APBA1: variants seen among roughly 807,000 people sequenced by gnomAD.
APBA1 encodes the protein amyloid-beta A4 precursor protein-binding family A member 1.
A neutral mutation model predicts 86.6 loss-of-function variants in APBA1; 55 were observed. The ratio of observed to expected loss-of-function variants is 0.64; its 90% CI spans 0.51 to 0.80. The LOEUF (loss-of-function observed/expected upper bound fraction) is 0.80, where lower values mean the gene tolerates loss of function less well. APBA1 is among the 30% of genes least tolerant of loss of function. APBA1 has a pLI of 0.00. For missense variants in APBA1, 1,090 were observed against 1,183.0 expected (o/e 0.92, Z 1.15); for synonymous variants, 511 against 493.9 (o/e 1.03, Z -0.46).
intron 1 of APBA1, among the ~76,000 whole-genome samples, chr9:69,543,042 GCTGCAAACTCCATTTA>G (rs1836639984): frequency 6.6e-6 from 1 of 152,192 alleles, no homozygotes; most frequent in African/African-American, 2.4e-5. Context: ...AATCAAAATC[GCTGCAAACTCCATTTA>G]CTGTGCCATC....
chr9:69,618,611 C>T (rs576854819), intron 1 of APBA1, among the ~76,000 whole-genome samples: 2 of 152,186 alleles, frequency 1.3e-5, no homozygotes, highest in South Asian at 2.1e-4. Flanking sequence ...AAAAATCAGA[C>T]GGTTATGACA....
At chr9:69,527,243 T>C (rs1299946140) in intron 1 of APBA1, among the ~76,000 whole-genome samples, 2 of 151,938 alleles carry the variant, frequency 1.3e-5, no homozygotes, top group Admixed American at 1.3e-4. Flanking sequence ...TTTTAAAAAA[T>C]TGTGAAAAAA....
In APBA1 at chr9:69,430,102, G is replaced by A. The variant is rs1299381012; in HGVS notation, c.*1225C>T. On this transcript the variant is annotated 3_prime_UTR_variant, in exon 13 of 13. Coordinates refer to ENST00000265381, the MANE Select transcript of APBA1 (RefSeq NM_001163.4). The stretch of plus-strand genomic sequence containing the variant: ...TATGGACCACATCTGGGGATTCTGA[G>A]GCATAACTTGAGGTTGCTATTGTCT... 6.6e-6 allele frequency: 1 copy of A among 152,206 alleles called. No individual in the cohort carries two copies. The highest frequency in any genetic ancestry group is 2.1e-4 in the South Asian group (1 of 4,830). The allele number at this position is 152,206 out of a possible 1,614,324, so 9.4% of individuals were successfully genotyped here. A position where few individuals can be genotyped will look rare whatever the true frequency, so the allele number is the denominator to read the frequency against.
At chr9:69,544,369 T>G (rs1836664246) in intron 1 of APBA1, among the ~76,000 whole-genome samples, 1 of 152,228 alleles carries the variant, frequency 6.6e-6, no homozygotes, top group Non-Finnish European at 1.5e-5. Flanking sequence ...TAATACAAAG[T>G]CAATTTAAAT....
At chr9:69,502,778 C>CT (rs983967814) in intron 2 of APBA1, among the ~76,000 whole-genome samples, 3 of 152,100 alleles carry the variant, frequency 2.0e-5, no homozygotes, top group African/African-American at 7.2e-5. Flanking sequence ...ACGCATCACA[C>CT]TTCACCTCAG....
intron 1 of APBA1, among the ~76,000 whole-genome samples, chr9:69,583,853 G>A (rs1194377265): frequency 6.6e-6 from 1 of 152,186 alleles, no homozygotes; most frequent in Non-Finnish European, 1.5e-5. Flanking sequence ...TAGCCTCCCA[G>A]GCTTCTATCT....
chr9:69,599,850 C>T (rs1226298780), intron 1 of APBA1, among the ~76,000 whole-genome samples: 3 of 152,168 alleles, frequency 2.0e-5, no homozygotes, highest in African/African-American at 7.2e-5. Flanking sequence ...CCAGCACATT[C>T]GCTCGAAGGG....
intron 1 of APBA1, among the ~76,000 whole-genome samples, 164 bp from the exon 2 acceptor site, chr9:69,517,443 C>T (rs1045593105): frequency 2.6e-4 from 39 of 152,164 alleles, no homozygotes; most frequent in Admixed American, 2.4e-3. Flanking sequence ...ATACATAGCA[C>T]GCATCATAAT....
At chr9:69,552,752 T>C (rs981133446) in intron 1 of APBA1, among the ~76,000 whole-genome samples, 8 of 152,338 alleles carry the variant, frequency 5.3e-5, no homozygotes, top group East Asian at 1.9e-4. Context: ...ACAGGTTTCA[T>C]TGGGTTTTAA....
At chr9:69,489,181 A>G (rs1014902454) in intron 2 of APBA1, among the ~76,000 whole-genome samples, 8 of 152,124 alleles carry the variant, frequency 5.3e-5, no homozygotes, top group African/African-American at 1.7e-4. Context: ...GATAATCCTA[A>G]GCCAAAAGGA....
chr9:69,632,669 G>C (rs1005477651), intron 1 of APBA1, among the ~76,000 whole-genome samples: 2 of 152,036 alleles, frequency 1.3e-5, no homozygotes, highest in Admixed American at 1.3e-4. Flanking sequence ...CTACCCTTGG[G>C]GTTCTCACTT....
chr9:69,644,349 C>T (rs1823349096), intron 1 of APBA1, among the ~76,000 whole-genome samples: 1 of 152,134 alleles, frequency 6.6e-6, no homozygotes, highest in Non-Finnish European at 1.5e-5. Flanking sequence ...CATATATCTC[C>T]ACTGATAATG....
intron 3 of APBA1, among the ~76,000 whole-genome samples, chr9:69,475,451 G>A (rs974649141): frequency 1.3e-5 from 2 of 152,198 alleles, no homozygotes; most frequent in African/African-American, 4.8e-5. Flanking sequence ...ACCGTGGAAA[G>A]TTCTCGCAGG....
Position 69,484,132 on chromosome 9 carries a change from G to C in APBA1, c.1201-7989C>G, listed in dbSNP as rs535924743. Among the ~76,000 whole-genome samples the C allele has an allele frequency of 5.0e-4, 76 of 152,184 alleles. 1 individual carries two copies. The highest frequency in any genetic ancestry group is 4.2e-4 in the South Asian group (2 of 4,812). ...GATTTTCTTTAATTGCATGGTTTGA[G>C]GGCTGTATCACACCTTCATTAAAAA... On this transcript the variant is annotated intron_variant, in intron 2 of 12. Transcript: ENST00000265381.
chr9:69,559,063 T>G (rs771028808), intron 1 of APBA1, among the ~76,000 whole-genome samples: 2 of 152,208 alleles, frequency 1.3e-5, no homozygotes, highest in Non-Finnish European at 2.9e-5. Flanking sequence ...TTTGTTTAAA[T>G]GCAACCACTA....
intron 1 of APBA1, among the ~76,000 whole-genome samples, chr9:69,598,465 G>T (rs1027135095): frequency 6.6e-6 from 1 of 151,370 alleles, no homozygotes; most frequent in Non-Finnish European, 1.5e-5. Flanking sequence ...AAAAAAAAGA[G>T]AAATCTACTT....
chr9:69,547,746 T>C (rs28446083), intron 1 of APBA1, among the ~76,000 whole-genome samples: 43 of 152,250 alleles, frequency 2.8e-4, no homozygotes, highest in African/African-American at 1.0e-3. Context: ...GCCAGTGCCA[T>C]GACTTCAAGG....
At chr9:69,520,304 T>C (rs1190075858) in intron 1 of APBA1, among the ~76,000 whole-genome samples, 1 of 152,196 alleles carries the variant, frequency 6.6e-6, no homozygotes, top group Non-Finnish European at 1.5e-5. Context: ...TTAAAAATCC[T>C]AGGTTATTGT....
At chr9:69,635,396 C>T (rs781642254) in intron 1 of APBA1, among the ~76,000 whole-genome samples, 9 of 151,650 alleles carry the variant, frequency 5.9e-5, no homozygotes, top group Non-Finnish European at 1.2e-4. Flanking sequence ...TTAAAACACA[C>T]CACCAGATAA....
Sources: allele counts gnomAD v4.1 joint callset (sites outside exome capture counted in the v4.1 genomes callset), GRCh38; gene constraint gnomAD v4.1.1; transcripts MANE v1.5; gene names NCBI Gene and HGNC (gene_info 2026-07-23, HGNC 2026-07-21).